SPC25: variants seen among roughly 807,000 people sequenced by gnomAD.
SPC25 encodes the protein SPC25 component of NDC80 kinetochore complex, also known as kinetochore protein Spc25.
In SPC25, 22 loss-of-function variants were observed where a neutral mutation model predicts 29.6. That is an observed-to-expected ratio of 0.74 (90% confidence interval 0.53 to 1.06). SPC25 has a LOEUF of 1.06. SPC25 is among the 50% of genes least tolerant of loss of function. The pLI is 0.00. For synonymous variants in SPC25, 91 were observed against 90.4 expected (o/e 1.01, Z -0.04); for missense variants, 230 against 255.8 (o/e 0.90, Z 0.69).
At chr2:168,888,968 T>C (rs1478713934) in intron 3 of SPC25, among the ~76,000 whole-genome samples, 5 of 88,490 alleles carry the variant, frequency 5.7e-5, no homozygotes, top group African/African-American at 8.8e-5. Context: ...TATATATATA[T>C]ATATACACAC....
At chr2:168,869,141 T>C (rs62176780), downstream of SPC25, among the ~76,000 whole-genome samples, 12,872 of 152,182 alleles carry the variant, frequency 0.085, 953 homozygotes, top group African/African-American at 0.2. Flanking sequence ...AAAAGGCCTT[T>C]GACAAAATTC....
intron 1 of SPC25, among the ~76,000 whole-genome samples, chr2:168,890,037 C>T (rs1395131555): frequency 6.6e-6 from 1 of 152,126 alleles, no homozygotes; most frequent in African/African-American, 2.4e-5. Context: ...CACCTCGGGC[C>T]TCAGTATCCT....
At chr2:168,883,148 T>C (rs970671994) in intron 3 of SPC25, among the ~76,000 whole-genome samples, 1 of 151,992 alleles carries the variant, frequency 6.6e-6, no homozygotes, top group African/African-American at 2.4e-5. Context: ...TTTTAAAATA[T>C]GGTATATCGA....
intron 3 of SPC25, among the ~76,000 whole-genome samples, chr2:168,880,201 T>A (rs775843570): frequency 6.6e-6 from 1 of 152,194 alleles, no homozygotes; most frequent in Admixed American, 6.5e-5. Flanking sequence ...AAGTCCTAGA[T>A]GGCATCTTCT....
At chr2:168,864,131 C>CT (rs1689686916) in intron 4 of SPC25, among the ~76,000 whole-genome samples, 1 of 152,030 alleles carries the variant, frequency 6.6e-6, no homozygotes, top group African/African-American at 2.4e-5. Context: ...CCATGCCTGG[C>CT]TAATTTTTGT....
At chr2:168,873,484 G>A in intron 6 of SPC25, 101 bp downstream of exon 6, 1 of 775,578 alleles carries the variant, frequency 1.3e-6, no homozygotes, top group Non-Finnish European at 2.2e-6. Context: ...AAGCAATAGA[G>A]TCTGGAGCTA....
rs773967742 is a variant in SPC25 at position 168,889,305 on chromosome 2, T to G, written c.134-14A>C. The G allele has an allele frequency of 6.2e-7, 1 of 1,613,802 alleles. No individual in the cohort carries two copies. Among genetic ancestry groups the G allele is most frequent in the Admixed American group, 1.7e-5 (1 of 59,980 alleles). On this transcript the variant is annotated splice_polypyrimidine_tract_variant and intron_variant, in intron 2 of 6. Coordinates refer to ENST00000282074, the MANE Select transcript of SPC25 (RefSeq NM_020675.4). ...CAGACAGCTTTTCTGAAAGAGAAATTGAACTTTCAATTCAGCTGCAATAAC... is the reference window on the plus strand; with the variant it reads ...CAGACAGCTTTTCTGAAAGAGAAATGGAACTTTCAATTCAGCTGCAATAAC...
intron 3 of SPC25, 38 bp from the exon 4 acceptor site, chr2:168,877,422 G>A: frequency 6.2e-7 from 1 of 1,609,894 alleles, no homozygotes; most frequent in Non-Finnish European, 8.5e-7. Flanking sequence ...AATATGCTTG[G>A]CTCTCTGACA....
At chr2:168,868,618 A>C (rs1260410047), downstream of SPC25, among the ~76,000 whole-genome samples, 10 of 152,216 alleles carry the variant, frequency 6.6e-5, no homozygotes, top group Non-Finnish European at 7.3e-5. Flanking sequence ...GAAATGGATA[A>C]ATTCCTCGAC....
At chr2:168,888,420 T>C (rs1184429449) in intron 3 of SPC25, among the ~76,000 whole-genome samples, 1 of 152,106 alleles carries the variant, frequency 6.6e-6, no homozygotes, top group Admixed American at 6.5e-5. Flanking sequence ...CCAGGCGTGG[T>C]TGCAGGCGCC....
downstream of SPC25, chr2:168,870,879 A>C (rs1420610209): frequency 6.6e-6 from 1 of 151,492 alleles, no homozygotes; most frequent in African/African-American, 2.5e-5. Context: ...GGGATTATAA[A>C]TCATGCTGCT....
chr2:168,874,959 G>T (rs149366735), intron 5 of SPC25, among the ~76,000 whole-genome samples: 3 of 152,102 alleles, frequency 2.0e-5, no homozygotes, highest in Non-Finnish European at 2.9e-5. Context: ...TCCTTCTAGT[G>T]AATCACCAAA....
intron 4 of SPC25, chr2:168,861,939 T>C (rs772376383): frequency 6.2e-7 from 1 of 1,611,524 alleles, no homozygotes; most frequent in South Asian, 1.1e-5. Flanking sequence ...AGCATACTAA[T>C]TACAGCTTTA....
intron 4 of SPC25, among the ~76,000 whole-genome samples, chr2:168,876,600 CTTTT>C (rs34758857): frequency 2.8e-5 from 4 of 142,840 alleles, no homozygotes. Context: ...TTAGTTTTTT[CTTTT>C]TTTTTTTTTT....
At chr2:168,871,687 A>C (rs1689993530) in intron 6 of SPC25, 132 bp from the exon 7 acceptor site, 4 of 829,950 alleles carry the variant, frequency 4.8e-6, no homozygotes, top group Non-Finnish European at 7.2e-6. Flanking sequence ...TTGAGCAAAA[A>C]AGGATACACT....
At chr2:168,863,485 G>A (rs190887604) in intron 4 of SPC25, 355 of 985,364 alleles carry the variant, frequency 3.6e-4, no homozygotes, top group Admixed American at 4.9e-4. Flanking sequence ...TGATCCTGAA[G>A]GGGGCAGATC....
intron 3 of SPC25, among the ~76,000 whole-genome samples, chr2:168,885,245 T>C (rs1690242760): frequency 6.6e-6 from 1 of 152,200 alleles, no homozygotes. Context: ...TCATACTCCA[T>C]GTCAGAAGGA....
At chr2:168,872,265 G>A (rs1259452956) in intron 6 of SPC25, among the ~76,000 whole-genome samples, 1 of 152,114 alleles carries the variant, frequency 6.6e-6, no homozygotes, top group Non-Finnish European at 1.5e-5. Flanking sequence ...ACCATGCCCA[G>A]CCTGAAAAAA....
At chr2:168,871,853 A>C (rs1689997582) in intron 6 of SPC25, among the ~76,000 whole-genome samples, 1 of 152,070 alleles carries the variant, frequency 6.6e-6, no homozygotes, top group Non-Finnish European at 1.5e-5. Context: ...ATCATCTTAA[A>C]CTTATATATT....
Sources: gnomAD v4.1 joint callset for allele counts (sites outside exome capture counted in the v4.1 genomes callset) on GRCh38, gnomAD v4.1.1 for gene constraint, MANE v1.5 for transcripts, NCBI Gene and HGNC (gene_info 2026-07-23, HGNC 2026-07-21) for gene names.